Variants in DLGAP2 observed in about 807,000 individuals in gnomAD.
The protein encoded by DLGAP2 is disks large-associated protein 2.
DLGAP2 carries 26 observed loss-of-function variants against 100.3 expected under a neutral mutation model. The ratio of observed to expected loss-of-function variants is 0.26; its 90% CI spans 0.19 to 0.36. The LOEUF (loss-of-function observed/expected upper bound fraction) is 0.36, where lower values mean the gene tolerates loss of function less well. DLGAP2 is among the 10% of genes least tolerant of loss of function. The pLI is 1.00. For missense variants in DLGAP2, 1,858 were observed against 1,453.2 expected, an observed-to-expected ratio of 1.28 and a Z score of -4.53; for synonymous variants, 886 against 630.1, an observed-to-expected ratio of 1.41 and a Z score of -6.08.
At chr8:1,133,691 A>G (rs1796343815) in intron 2 of DLGAP2, among the ~76,000 whole-genome samples, 1 of 152,256 alleles carries the variant, frequency 6.6e-6, no homozygotes, top group African/African-American at 2.4e-5. Flanking sequence ...AGGAATTCAT[A>G]TTAATATTAA....
chr8:1,555,408 T>G (rs938987671), intron 5 of DLGAP2, among the ~76,000 whole-genome samples: 2 of 152,160 alleles, frequency 1.3e-5, no homozygotes, highest in Non-Finnish European at 2.9e-5. Context: ...GCCACACCAT[T>G]TCCTGACTGC....
At chr8:1,086,533 A>G (rs1337574609) in intron 2 of DLGAP2, among the ~76,000 whole-genome samples, 1 of 152,228 alleles carries the variant, frequency 6.6e-6, no homozygotes, top group East Asian at 1.9e-4. Flanking sequence ...GGTTCACTTC[A>G]TTTTGAAGGA....
intron 3 of DLGAP2, among the ~76,000 whole-genome samples, chr8:1,442,748 G>T (rs538091366): frequency 2.2e-4 from 32 of 146,982 alleles, no homozygotes; most frequent in African/African-American, 7.6e-4. Context: ...TGTGGGTTCA[G>T]CCACTGGAGG....
At chr8:987,779 A>C (rs777304194) in intron 2 of DLGAP2, among the ~76,000 whole-genome samples, 1 of 151,684 alleles carries the variant, frequency 6.6e-6, no homozygotes, top group Non-Finnish European at 1.5e-5. Context: ...TCTCACTTTT[A>C]CTCACACCGG....
chr8:1,318,903 C>A (rs1800830822), intron 3 of DLGAP2, among the ~76,000 whole-genome samples: 1 of 151,370 alleles, frequency 6.6e-6, no homozygotes, highest in Non-Finnish European at 1.5e-5. Context: ...TCCAGTGGGT[C>A]CCCATAGATT....
chr8:1,061,097 C>T (rs1803068126), intron 2 of DLGAP2, among the ~76,000 whole-genome samples: 1 of 152,218 alleles, frequency 6.6e-6, no homozygotes, highest in Non-Finnish European at 1.5e-5. Context: ...GCATGAAGAA[C>T]CCATCCACCA....
chr8:1,436,231 C>T (rs1333086178), intron 3 of DLGAP2, among the ~76,000 whole-genome samples: 1 of 152,246 alleles, frequency 6.6e-6, no homozygotes, highest in Non-Finnish European at 1.5e-5. Flanking sequence ...GCAGTGCAGC[C>T]TTCAGTCTGT....
intron 2 of DLGAP2, among the ~76,000 whole-genome samples, chr8:967,555 A>T (rs568547450): frequency 1.3e-5 from 2 of 151,862 alleles, no homozygotes; most frequent in East Asian, 3.9e-4. Context: ...TTCAATTCAG[A>T]GCAAGAGGAA....
In DLGAP2 at chr8:1,625,037, G is replaced by GT. The variant is rs1443893976; in HGVS notation, c.1443-1695dup. Among the ~76,000 whole-genome samples the GT allele has an allele frequency of 6.6e-5, 10 of 151,910 alleles. No individual in the cohort carries two copies. In the South Asian group the frequency reaches 8.3e-4, roughly 13 times the overall value. ...ACTTAATAAGAATTCATTGAGTCCAGTTTTTTTTCTCTGATATTCCATTTT... is the reference window on the plus strand; with the variant it reads ...ACTTAATAAGAATTCATTGAGTCCAGTTTTTTTTTCTCTGATATTCCATTTT... On this transcript the variant is annotated intron_variant, in intron 6 of 14. Coordinates refer to ENST00000637795, the MANE Select transcript of DLGAP2 (RefSeq NM_001346810.2).
At chr8:917,309 G>A (rs1260152568) in intron 2 of DLGAP2, among the ~76,000 whole-genome samples, 1 of 146,462 alleles carries the variant, frequency 6.8e-6, no homozygotes, top group East Asian at 2.2e-4. Flanking sequence ...TGCAACCACA[G>A]TTCACTAGAA....
intron 2 of DLGAP2, among the ~76,000 whole-genome samples, chr8:1,225,712 T>G (rs1173888867): frequency 6.6e-6 from 1 of 152,206 alleles, no homozygotes; most frequent in Non-Finnish European, 1.5e-5. Context: ...GAAGAAATAC[T>G]GGGGAGCTCT....
At chr8:1,417,354 C>T (rs963374906) in intron 3 of DLGAP2, among the ~76,000 whole-genome samples, 1 of 151,948 alleles carries the variant, frequency 6.6e-6, no homozygotes, top group African/African-American at 2.4e-5. Context: ...CATAGAAGCC[C>T]TTGAAGCTAG....
At chr8:1,259,347 C>G (rs1799297760) in intron 3 of DLGAP2, among the ~76,000 whole-genome samples, 2 of 152,210 alleles carry the variant, frequency 1.3e-5, no homozygotes, top group African/African-American at 4.8e-5. Flanking sequence ...ATTTAACTTT[C>G]TACGCAAGTC....
intron 8 of DLGAP2, among the ~76,000 whole-genome samples, chr8:1,636,442 A>T (rs1461838973): frequency 1.3e-5 from 2 of 152,222 alleles, no homozygotes; most frequent in African/African-American, 4.8e-5. Context: ...ACTTGCCAAC[A>T]TAGAGGAGAA....
chr8:1,456,869 G>T (rs182704926), intron 3 of DLGAP2, among the ~76,000 whole-genome samples: 6 of 152,396 alleles, frequency 3.9e-5, no homozygotes, highest in African/African-American at 7.2e-5. Flanking sequence ...GGTGAAATCG[G>T]TTTTGCCAGG....
chr8:1,211,835 A>G (rs1275702101), intron 2 of DLGAP2, among the ~76,000 whole-genome samples: 1 of 152,264 alleles, frequency 6.6e-6, no homozygotes. Flanking sequence ...ATATCGTGCC[A>G]TTGCACTCCA....
At chr8:1,376,597 C>CGGTGGGG (rs1404511056) in intron 3 of DLGAP2, among the ~76,000 whole-genome samples, 1 of 152,086 alleles carries the variant, frequency 6.6e-6, no homozygotes, top group East Asian at 1.9e-4. Context: ...AGCCGGGTGG[C>CGGTGGGG]AGTGGGGAGC....
chr8:1,539,867 CCTT>C (rs1388573427), intron 4 of DLGAP2, among the ~76,000 whole-genome samples: 1 of 139,684 alleles, frequency 7.2e-6, no homozygotes, highest in African/African-American at 3.0e-5. Context: ...CCCTTCCCTG[CCTT>C]CTTCCTGTGC....
chr8:834,236 T>G (rs1318916122), intron 1 of DLGAP2, among the ~76,000 whole-genome samples: 1 of 152,198 alleles, frequency 6.6e-6, no homozygotes, highest in Non-Finnish European at 1.5e-5. Flanking sequence ...GTGCTGGCTT[T>G]TGTGACCCCA....
Sources: allele counts gnomAD v4.1 joint callset (sites outside exome capture counted in the v4.1 genomes callset), GRCh38; gene constraint gnomAD v4.1.1; transcripts MANE v1.5; gene names NCBI Gene and HGNC (gene_info 2026-07-23, HGNC 2026-07-21).